TASP1: variants seen among roughly 807,000 people sequenced by gnomAD.
The protein encoded by TASP1 is threonine aspartase 1.
Under a neutral mutation model 56.6 loss-of-function variants are expected in TASP1, and 16 were observed. That is an observed-to-expected ratio of 0.28 (90% confidence interval 0.19 to 0.43). The LOEUF (loss-of-function observed/expected upper bound fraction) is 0.43. Among genes scored for constraint, TASP1 ranks in the 20% least tolerant of loss-of-function variants. The pLI, the probability that TASP1 is intolerant of heterozygous loss-of-function variation, is 1.00. For synonymous variants in TASP1, 179 were observed against 184.2 expected, an observed-to-expected ratio of 0.97 and a Z score of 0.23; for missense variants, 393 against 511.6, an observed-to-expected ratio of 0.77 and a Z score of 2.24.
the TASP1 span, among the ~76,000 whole-genome samples, chr20:13,231,715 A>G: frequency 2.0e-5 from 3 of 152,324 alleles, no homozygotes; most frequent in African/African-American, 7.2e-5. Flanking sequence ...ACACACATCC[A>G]TTAGACAGCA....
At chr20:13,196,924 T>C in the TASP1 span, among the ~76,000 whole-genome samples, 3 of 152,228 alleles carry the variant, frequency 2.0e-5, no homozygotes, top group African/African-American at 7.2e-5. Context: ...TGTTTACTTG[T>C]ATATTGTAAG....
intron 4 of TASP1, among the ~76,000 whole-genome samples, chr20:13,620,574 G>C (rs2048678573): frequency 6.6e-6 from 1 of 152,102 alleles, no homozygotes; most frequent in Non-Finnish European, 1.5e-5. Context: ...GTTTCCTTAA[G>C]CTCAGTGGCA....
chr20:13,177,667 C>T, the TASP1 span, among the ~76,000 whole-genome samples: 1 of 152,062 alleles, frequency 6.6e-6, no homozygotes, highest in Admixed American at 6.6e-5. Context: ...AGGGAAAGGA[C>T]TGTCTCTTCA....
At chr20:13,474,349 C>A (rs1385713782) in intron 11 of TASP1, among the ~76,000 whole-genome samples, 1 of 152,154 alleles carries the variant, frequency 6.6e-6, no homozygotes, top group Non-Finnish European at 1.5e-5. Flanking sequence ...TGTGTCCTCA[C>A]AGCTTAACTC....
the TASP1 span, among the ~76,000 whole-genome samples, chr20:13,364,697 C>T: frequency 6.6e-6 from 1 of 151,740 alleles, no homozygotes; most frequent in Non-Finnish European, 1.5e-5. Context: ...TCAATAGACA[C>T]CTGTGTCCAT....
At chr20:13,359,296 A>G in the TASP1 span, among the ~76,000 whole-genome samples, 2 of 150,754 alleles carry the variant, frequency 1.3e-5, no homozygotes, top group Non-Finnish European at 2.9e-5. Context: ...ATTCCTCCTA[A>G]GCCGCATCCC....
intron 4 of TASP1, among the ~76,000 whole-genome samples, chr20:13,588,324 GGAA>G (rs2047397018): frequency 6.7e-6 from 1 of 148,854 alleles, no homozygotes; most frequent in Non-Finnish European, 1.5e-5. Flanking sequence ...AGAAAAGGAA[GGAA>G]GGAAGGAAGG....
At chr20:13,121,892 CA>C in the TASP1 span, among the ~76,000 whole-genome samples, 2 of 152,172 alleles carry the variant, frequency 1.3e-5, no homozygotes, top group Non-Finnish European at 2.9e-5. Flanking sequence ...GGTATTTATT[CA>C]AACTAAGAAG....
intron 11 of TASP1, among the ~76,000 whole-genome samples, chr20:13,467,208 C>CACACACACACACG (rs1555865007): frequency 2.0e-5 from 3 of 150,970 alleles, no homozygotes; most frequent in African/African-American, 7.4e-5. Context: ...CACACACACA[C>CACACACACACACG]ACACACACGA....
chr20:13,298,816 G>C, the TASP1 span: 155 of 858,310 alleles, frequency 1.8e-4, no homozygotes, highest in Non-Finnish European at 3.2e-5. Context: ...TTGACTTCAG[G>C]GAGTTGTTGA....
the TASP1 span, among the ~76,000 whole-genome samples, chr20:13,198,792 G>GTCTGTCTTTCTT: frequency 8.8e-6 from 1 of 114,144 alleles, no homozygotes; most frequent in South Asian, 3.5e-4. Context: ...TTCTTTCTTT[G>GTCTGTCTTTCTT]TCTTTCTTTC....
In TASP1 at chr20:13,390,116, C is replaced by T. The variant is rs1373894077; in HGVS notation, c.*244G>A. 4.9e-6 allele frequency: 2 copies of T among 409,538 alleles called. No individual in the cohort carries two copies. Among genetic ancestry groups the T allele is most frequent in the Non-Finnish European group, 4.5e-6 (1 of 222,530 alleles). 25.4% of individuals were successfully genotyped at this position (409,538 alleles called of 1,614,324 possible). ...TTTCATCCACGGAGAAGCAAACACA[C>T]ATACTCCACACATACACATATGTGC... On this transcript the variant is annotated 3_prime_UTR_variant, in exon 14 of 14. Transcript: ENST00000337743.
the TASP1 span, among the ~76,000 whole-genome samples, chr20:13,240,375 C>A: frequency 6.6e-6 from 1 of 152,224 alleles, no homozygotes; most frequent in South Asian, 2.1e-4. Flanking sequence ...CAAGGAAGGA[C>A]TTGATGGAAA....
chr20:13,602,794 C>A (rs1430508299), intron 4 of TASP1, among the ~76,000 whole-genome samples: 1 of 152,188 alleles, frequency 6.6e-6, no homozygotes, highest in African/African-American at 2.4e-5. Flanking sequence ...CACTTGCCCA[C>A]CATTCCCCTC....
chr20:13,299,413 C>T, the TASP1 span: 3 of 1,610,990 alleles, frequency 1.9e-6, no homozygotes, highest in Middle Eastern at 1.6e-4. This position sits in a 1 kb window ranked among gnomAD's most constrained non-coding sequence, Gnocchi z 5.8. Context: ...GAGAGCCCCT[C>T]GGACGAGGAC....
the TASP1 span, among the ~76,000 whole-genome samples, chr20:13,143,711 C>A: frequency 6.6e-6 from 1 of 152,210 alleles, no homozygotes; most frequent in Non-Finnish European, 1.5e-5. Context: ...GGTTTTAATT[C>A]TGCAGGCAGC....
In TASP1 at chr20:13,550,147, T is replaced by TACACACACACACAC. The variant is rs149572327; in HGVS notation, c.675+8847_675+8860dup. ...TTCCTAAATATGGAATATATACACATACACACACACACACACACACACACA... is the reference window on the plus strand; with the variant it reads ...TTCCTAAATATGGAATATATACACATACACACACACACACACACACACACACACACACACACACA... On this transcript the variant is annotated intron_variant, in intron 8 of 13. Coordinates refer to ENST00000337743, the MANE Select transcript of TASP1 (RefSeq NM_017714.3). Among the ~76,000 whole-genome samples the TACACACACACACAC allele has an allele frequency of 3.1e-4, 42 of 135,340 alleles. 1 individual carries two copies. The highest frequency in any genetic ancestry group is 1.0e-3 in the South Asian group (4 of 3,988). The allele number at this position is 135,340 out of a possible 152,430, so 88.8% of individuals were successfully genotyped here.
At chr20:13,107,410 T>C in the TASP1 span, among the ~76,000 whole-genome samples, 1 of 151,760 alleles carries the variant, frequency 6.6e-6, no homozygotes, top group African/African-American at 2.4e-5. Context: ...TGAAAAATGG[T>C]GTCCAGATGG....
chr20:13,309,659 C>CTCTGTT, the TASP1 span, among the ~76,000 whole-genome samples: 1 of 152,264 alleles, frequency 6.6e-6, no homozygotes. Flanking sequence ...GTGAATTTAT[C>CTCTGTT]TCTGTTTGCA....
Sources: gnomAD v4.1 joint callset for allele counts (sites outside exome capture counted in the v4.1 genomes callset) on GRCh38, gnomAD v4.1.1 for gene constraint, Gnocchi (gnomAD v3.1) non-coding constraint, MANE v1.5 for transcripts, NCBI Gene and HGNC (gene_info 2026-07-23, HGNC 2026-07-21) for gene names.